The following ADGRB3 variants were observed in gnomAD, a reference collection of about 807,000 sequenced individuals.
ADGRB3 encodes the protein brain-specific angiogenesis inhibitor 3.
In ADGRB3, 37 loss-of-function variants were observed where a neutral mutation model predicts 193.4. That is an observed-to-expected ratio of 0.19 (90% CI 0.15 to 0.25). The LOEUF (loss-of-function observed/expected upper bound fraction) is 0.25. Ranked by LOEUF, ADGRB3 falls within the 10% of genes least tolerant of loss-of-function variation. The pLI, the probability that ADGRB3 is intolerant of heterozygous loss-of-function variation, is 1.00. For missense variants in ADGRB3, 1,637 were observed against 1,852.9 expected, an observed-to-expected ratio of 0.88 and a Z score of 2.14; for synonymous variants, 690 against 644.2, an observed-to-expected ratio of 1.07 and a Z score of -1.08.
chr6:69,202,379 G>A (rs1054398390), intron 17 of ADGRB3, among the ~76,000 whole-genome samples: 2 of 151,944 alleles, frequency 1.3e-5, no homozygotes, highest in South Asian at 4.2e-4. Context: ...TATATTTAGG[G>A]CATTAACACT....
chr6:69,253,038 T>G (rs1338256378), intron 20 of ADGRB3, among the ~76,000 whole-genome samples: 1 of 152,062 alleles, frequency 6.6e-6, no homozygotes, highest in African/African-American at 2.4e-5. Context: ...GTACTGTTTG[T>G]TCAAAAAATT....
intron 17 of ADGRB3, among the ~76,000 whole-genome samples, chr6:69,167,229 A>G (rs992995118): frequency 3.3e-5 from 5 of 152,136 alleles, no homozygotes; most frequent in African/African-American, 1.2e-4. Context: ...TATAGAGAGA[A>G]ATGGTCTAAA....
intron 3 of ADGRB3, among the ~76,000 whole-genome samples, chr6:68,922,598 C>G (rs529993045): frequency 6.6e-6 from 1 of 152,126 alleles, no homozygotes; most frequent in Admixed American, 6.5e-5. Context: ...GTTCATGAAT[C>G]AACTTTCAAT....
At chr6:68,681,155 G>A (rs1454839265) in intron 3 of ADGRB3, among the ~76,000 whole-genome samples, 2 of 152,024 alleles carry the variant, frequency 1.3e-5, no homozygotes, top group African/African-American at 4.8e-5. Flanking sequence ...AACTAATAGA[G>A]CTAGAATGCA....
At chr6:68,687,705 G>A (rs2802684) in intron 3 of ADGRB3, among the ~76,000 whole-genome samples, 57,913 of 151,852 alleles carry the variant, frequency 0.38, 11,622 homozygotes, top group East Asian at 0.59. Flanking sequence ...TTCACTAGGA[G>A]CGTCACCTTT....
At chr6:68,850,412 G>A (rs493682) in intron 3 of ADGRB3, among the ~76,000 whole-genome samples, 67,834 of 151,706 alleles carry the variant, frequency 0.45, 16,494 homozygotes, top group East Asian at 0.6. Context: ...GGGTGCAGAC[G>A]TTGTTTTATC....
chr6:69,357,302 A>G (rs1166675105), intron 28 of ADGRB3, among the ~76,000 whole-genome samples: 1 of 152,062 alleles, frequency 6.6e-6, no homozygotes, highest in Non-Finnish European at 1.5e-5. Context: ...AGAAGTTGTC[A>G]GGGCATCCCC....
chr6:68,909,625 T>A lies in ADGRB3; in HGVS notation c.758-20934T>A, dbSNP rs117918349. Reference sequence around the variant, plus strand: ...CCTCTCTGTGACTTCTGAGTTTAATTTTATATGATCATTTGATAGTAACTT... The same window carrying A: ...CCTCTCTGTGACTTCTGAGTTTAATATTATATGATCATTTGATAGTAACTT... On this transcript the variant is annotated intron_variant, in intron 3 of 31. Transcript: ENST00000370598. Among the ~76,000 whole-genome samples, 1,376 of 152,280 alleles carry A rather than the reference T, an allele frequency of 9.0e-3. 13 individuals carry two copies. The highest frequency in any genetic ancestry group is 0.015 in the Non-Finnish European group (1,031 of 68,010).
At chr6:68,727,128 CT>C (rs1034328972) in intron 3 of ADGRB3, among the ~76,000 whole-genome samples, 2 of 151,518 alleles carry the variant, frequency 1.3e-5, no homozygotes, top group African/African-American at 4.8e-5. Flanking sequence ...TCCTTTTCAG[CT>C]TTGTCATTCA....
At chr6:68,956,911 A>C (rs535033918) in intron 8 of ADGRB3, 102 bp downstream of exon 8, 498 of 1,295,742 alleles carry the variant, frequency 3.8e-4, no homozygotes, top group Middle Eastern at 3.0e-3. Context: ...TCCTCAACTA[A>C]AGAACTACTA....
intron 3 of ADGRB3, among the ~76,000 whole-genome samples, chr6:68,642,035 A>G (rs1460016239): frequency 6.6e-6 from 1 of 152,098 alleles, no homozygotes; most frequent in African/African-American, 2.4e-5. Context: ...TGGGTTTTAA[A>G]AATTCCACTT....
intron 17 of ADGRB3, chr6:69,232,462 TC>T: frequency 6.5e-7 from 1 of 1,527,232 alleles, no homozygotes; most frequent in Non-Finnish European, 8.8e-7. Flanking sequence ...CAGGCTCTCT[TC>T]CCTACTCCTA....
chr6:69,144,485 C>T (rs189422329), intron 17 of ADGRB3, among the ~76,000 whole-genome samples: 1 of 152,154 alleles, frequency 6.6e-6, no homozygotes, highest in Admixed American at 6.5e-5. Flanking sequence ...TTGACATATT[C>T]CAGATCTTAG....
At chr6:68,942,130 C>G (rs1330333070) in intron 5 of ADGRB3, among the ~76,000 whole-genome samples, 1 of 151,738 alleles carries the variant, frequency 6.6e-6, no homozygotes, top group Non-Finnish European at 1.5e-5. Context: ...TTTAAACATC[C>G]TATCACAACT....
At chr6:68,694,533 T>C (rs1257466223) in intron 3 of ADGRB3, among the ~76,000 whole-genome samples, 1 of 151,982 alleles carries the variant, frequency 6.6e-6, no homozygotes, top group African/African-American at 2.4e-5. Context: ...TTTAGTCTTC[T>C]GACTACACAC....
chr6:69,142,903 C>T (rs1774379619), intron 17 of ADGRB3, among the ~76,000 whole-genome samples: 1 of 152,166 alleles, frequency 6.6e-6, no homozygotes, highest in Middle Eastern at 3.4e-3. Context: ...GCTTTCCTTT[C>T]TTAGGGGTAT....
chr6:68,854,561 C>CT (rs142268314), intron 3 of ADGRB3, among the ~76,000 whole-genome samples: 32,027 of 151,476 alleles, frequency 0.21, 3,955 homozygotes, highest in East Asian at 0.58. Flanking sequence ...AAAAGCTTGT[C>CT]TTTTTTTTGG....
At chr6:69,271,558 G>A (rs1405968819) in intron 20 of ADGRB3, among the ~76,000 whole-genome samples, 5 of 152,028 alleles carry the variant, frequency 3.3e-5, no homozygotes, top group African/African-American at 1.2e-4. Context: ...TCAACCAGTA[G>A]GCATCCAAGT....
intron 11 of ADGRB3, among the ~76,000 whole-genome samples, chr6:69,008,656 A>G (rs1769843888): frequency 1.3e-5 from 2 of 152,246 alleles, no homozygotes; most frequent in South Asian, 2.1e-4. Context: ...TGTGTTTGGC[A>G]TAGGATGAAC....
Sources: allele counts gnomAD v4.1 joint callset (sites outside exome capture counted in the v4.1 genomes callset), GRCh38; gene constraint gnomAD v4.1.1; transcripts MANE v1.5; gene names NCBI Gene and HGNC (gene_info 2026-07-23, HGNC 2026-07-21).